RECQL5: variants seen among roughly 807,000 people sequenced by gnomAD.
RECQL5 encodes the protein RecQ like helicase 5.
A neutral mutation model predicts 103.4 loss-of-function variants in RECQL5; 88 were observed. The observed-to-expected ratio is 0.85, with a 90% CI of 0.72 to 1.02. The LOEUF is 1.02. Among genes scored for constraint, RECQL5 ranks in the 50% least tolerant of loss-of-function variants. The probability of loss-of-function intolerance (pLI) is 0.00; values close to 1 mark genes in which losing one functional copy is unlikely to be tolerated. For synonymous variants in RECQL5, 552 were observed against 507.9 expected (o/e 1.09, Z -1.17); for missense variants, 1,232 against 1,284.3 (o/e 0.96, Z 0.62).
chr17:75,661,313 T>C (rs987839123), intron 5 of RECQL5, among the ~76,000 whole-genome samples: 1 of 152,234 alleles, frequency 6.6e-6, no homozygotes, highest in Non-Finnish European at 1.5e-5. Flanking sequence ...CCCAAGTCCG[T>C]TGGCCTCCAA....
chr17:75,649,789 G>C (rs1262846826), intron 8 of RECQL5: 3 of 985,454 alleles, frequency 3.0e-6, no homozygotes, highest in South Asian at 9.4e-5. Context: ...AGACAGGCAC[G>C]AGGCTGCTCA....
At chr17:75,634,110 GAGC>G in intron 8 of RECQL5, 1 of 985,574 alleles carries the variant, frequency 1.0e-6, no homozygotes. Flanking sequence ...GCGCCCAGGG[GAGC>G]AGCGGCGCCC....
intron 8 of RECQL5, chr17:75,639,326 T>C (rs2059388268): frequency 1.3e-5 from 2 of 152,230 alleles, no homozygotes; most frequent in South Asian, 2.1e-4. Context: ...TGGGACAAGG[T>C]TGTCTCTGGC....
chr17:75,662,644 G>C lies in RECQL5; in HGVS notation c.606C>G (p.Asp202Glu). The change falls in exon 4 of 20, where the codon GAC becomes GAG. Residue 202 changes from aspartate to glutamate, a missense_variant. Transcript: ENST00000317905. The stretch of plus-strand genomic sequence containing the variant: ...TCTTCAGGTGCAGGGCAGCAAACAC[G>C]TCCTCTTGGACCTGTGGGGTGGCTG... ...TATATPQVQE[D>E]VFAALHLKKP... 1 of 1,614,170 alleles carries C rather than the reference G, an allele frequency of 6.2e-7. No individual in the cohort carries two copies. The highest frequency in any genetic ancestry group is 8.5e-7 in the Non-Finnish European group (1 of 1,180,038).
chr17:75,646,838 T>A (rs1006012548), intron 8 of RECQL5: 1 of 152,934 alleles, frequency 6.5e-6, no homozygotes, highest in Non-Finnish European at 1.5e-5. Flanking sequence ...GCTATGGGCT[T>A]GCAGTCTGCG....
At position 75,662,712 on chromosome 17, in the gene RECQL5, G is replaced by C; in HGVS notation, c.538C>G (p.Arg180Gly). The change falls in exon 4 of 20, where the codon CGC becomes GGC. Residue 180 changes from arginine (R) to glycine (G), a missense_variant. Arg to Gly is a moderately radical substitution (Grantham distance 125). Transcript: ENST00000317905. ...RPDYLRLGALRSRLGHAPCVA... is the reference protein window; with the variant it reads ...RPDYLRLGALGSRLGHAPCVA... ...CAAGGGGCATGTCCCAGGCGGGAGCGCAGGGCACCCAGACGCAAGTAGTCA... is the reference window on the plus strand; with the variant it reads ...CAAGGGGCATGTCCCAGGCGGGAGCCCAGGGCACCCAGACGCAAGTAGTCA... The C allele has an allele frequency of 6.2e-7, 1 of 1,613,964 alleles. No individual in the cohort carries two copies. Among genetic ancestry groups the C allele is most frequent in the Non-Finnish European group, 8.5e-7 (1 of 1,180,028 alleles).
At position 75,640,889 on chromosome 17, in the gene RECQL5, C is replaced by A. The variant is rs1163430910; in HGVS notation, c.1230-9221G>T. 2.6e-6 allele frequency: 4 copies of A among 1,545,144 alleles called. No individual in the cohort carries two copies. The highest frequency in any genetic ancestry group is 3.5e-6 in the Non-Finnish European group (4 of 1,146,846). ...CAGGAAGGTCCAGGTGCAGCCGACA[C>A]CACCATGACGGACGGGCGATGGCTG... On this transcript the variant is annotated intron_variant, in intron 8 of 19. Transcript: ENST00000317905. The surrounding 1 kb of genome is among the most constrained non-coding windows in gnomAD (Gnocchi z 4.6).
intron 13 of RECQL5, 69 bp from the exon 14 acceptor site, chr17:75,630,346 G>A (rs532391098): frequency 2.2e-6 from 3 of 1,383,932 alleles, no homozygotes; most frequent in African/African-American, 2.9e-5. Flanking sequence ...AGCTCTTGCG[G>A]GACTCCAGGC....
rs115810727 is a variant in RECQL5 at position 75,662,916 on chromosome 17, G to A, written c.334C>T (p.Leu112=). The part of the protein sequence containing the change: ...SKLSAQERKE[L]LADLEREKPQ... The stretch of plus-strand genomic sequence containing the variant: ...TTTTCTCGCTCCAGGTCAGCAAGCA[G>A]CTCCTTCCTTTCCTGTGCAGAGAGC... The change falls in exon 4 of 20, where the codon CTG becomes TTG. Residue 112 remains leucine (L), a synonymous_variant. Transcript: ENST00000317905. 7.7e-5 allele frequency: 124 copies of A among 1,614,152 alleles called. 1 individual carries two copies. In the East Asian group the frequency reaches 2.3e-3, roughly 30 times the overall value.
chr17:75,633,220 G>A (rs1365992178), intron 8 of RECQL5, among the ~76,000 whole-genome samples: 3 of 152,274 alleles, frequency 2.0e-5, no homozygotes, highest in Admixed American at 2.0e-4. Flanking sequence ...TCCGAGTGGT[G>A]TGACCACATG....
chr17:75,660,230 C>T lies in RECQL5; in HGVS notation c.986+725G>A, dbSNP rs144487338. ...TACAGGCACGCACCACCACACCTGGCTAATTTTTATGTATTTTTTGTAGAG... is the reference window on the plus strand; with the variant it reads ...TACAGGCACGCACCACCACACCTGGTTAATTTTTATGTATTTTTTGTAGAG... On this transcript the variant is annotated intron_variant, in intron 6 of 19. Coordinates refer to ENST00000317905, the MANE Select transcript of RECQL5 (RefSeq NM_004259.7). Among the ~76,000 whole-genome samples, 8 of 152,212 alleles carry T rather than the reference C, an allele frequency of 5.3e-5. No individual in the cohort carries two copies. The East Asian group carries it at 1.5e-3, about 29-fold the overall frequency.
rs2059315994 is a variant in RECQL5, at chr17:75,636,071, C to T, written c.1230-4403G>A. Reference sequence around the variant, plus strand: ...ACCGCTACTGCAGCCAGGGCACACCCTCTGAAGGCTCCAAGCAGGGCTGGC... The same window carrying T: ...ACCGCTACTGCAGCCAGGGCACACCTTCTGAAGGCTCCAAGCAGGGCTGGC... On this transcript the variant is annotated intron_variant, in intron 8 of 19. Coordinates refer to ENST00000317905, the MANE Select transcript of RECQL5 (RefSeq NM_004259.7). This position sits in a 1 kb window ranked among gnomAD's most constrained non-coding sequence, Gnocchi z 5.4. Among the ~76,000 whole-genome samples the T allele has an allele frequency of 6.6e-6, 1 of 152,248 alleles. No individual in the cohort carries two copies. Among genetic ancestry groups the T allele is most frequent in the South Asian group, 2.1e-4 (1 of 4,836 alleles).
chr17:75,650,557 A>T, intron 8 of RECQL5: 1 of 1,535,626 alleles, frequency 6.5e-7, no homozygotes, highest in Non-Finnish European at 8.8e-7. Flanking sequence ...ATCCGACAGG[A>T]TCATTCCATG....
chr17:75,638,096 G>A (rs2059361448), intron 8 of RECQL5: 1 of 152,126 alleles, frequency 6.6e-6, no homozygotes, highest in African/African-American at 2.4e-5. Context: ...AAGCTGGGTG[G>A]ATCTAACTCA....
In RECQL5 at chr17:75,629,910, C is replaced by T. The variant is rs189390575; in HGVS notation, c.1813-68G>A. ...CTCCTGACATGCCCCACCTAGCCCT[C>T]CTTTTCTACTAGGCACTACAAGTGG... On this transcript the variant is annotated intron_variant, in intron 14 of 19. Transcript: ENST00000317905. 1,668 of 1,530,122 alleles carry T rather than the reference C, an allele frequency of 1.1e-3. 6 individuals carry two copies. Among genetic ancestry groups the T allele is most frequent in the Admixed American group, 3.6e-3 (178 of 49,920 alleles). 94.8% of individuals were successfully genotyped at this position (1,530,122 alleles called of 1,614,324 possible).
rs1376086894 is a variant in RECQL5 at position 75,654,792 on chromosome 17, TTTA to T, written c.1149+3503_1149+3505del. ...ACATCACCATGCTCAGCTAATTTTT[TTTA>T]TTATTATTAGTTTTTGAAACAGGGT... On this transcript the variant is annotated intron_variant, in intron 7 of 19. Transcript: ENST00000317905. Among the ~76,000 whole-genome samples, 4 of 151,984 alleles carry T rather than the reference TTTA, an allele frequency of 2.6e-5. 1 individual carries two copies. Among genetic ancestry groups the T allele is most frequent in the African/African-American group, 9.7e-5 (4 of 41,448 alleles).
Position 75,660,999 on chromosome 17 carries a change from A to G in RECQL5, c.942T>C (p.Val314=), listed in dbSNP as rs748968286. The stretch of plus-strand genomic sequence containing the variant: ...CTCCCATCCCAAAACTAATGGTTGC[A>G]ACAATTACAGGGACCTTCTCCTCCA... ...DWMEEKVPVI[V]ATISFGMGVD... is the part of the protein sequence containing the mutation. Residue 314 remains valine, a synonymous_variant, in exon 6 of 20, where the codon GTT becomes GTC. Transcript: ENST00000317905. 6.2e-7 allele frequency: 1 copy of G among 1,614,234 alleles called. No individual in the cohort carries two copies. The highest frequency in any genetic ancestry group is 8.5e-7 in the Non-Finnish European group (1 of 1,180,030).
rs539818222 is a variant in RECQL5, at chr17:75,653,928, C to A, written c.1150-2663G>T. Among the ~76,000 whole-genome samples the A allele has an allele frequency of 5.0e-3, 752 of 151,074 alleles. 5 individuals carry two copies. Among genetic ancestry groups the A allele is most frequent in the South Asian group, 0.026 (125 of 4,764 alleles). ...AAAACAAAACAAAACAAAAAAAAAA[C>A]CCCAAAAAAACAAAAACCAGACACT... is the stretch of plus-strand genomic sequence containing the variant. On this transcript the variant is annotated intron_variant, in intron 7 of 19. Transcript: ENST00000317905.
At position 75,631,259 on chromosome 17, in the gene RECQL5, G is replaced by A. The variant is rs1212952018; in HGVS notation, c.1449-10C>T. The A allele has an allele frequency of 1.9e-5, 31 of 1,613,060 alleles. No individual in the cohort carries two copies. The highest frequency in any genetic ancestry group is 2.6e-5 in the Non-Finnish European group (31 of 1,179,514). On this transcript the variant is annotated splice_polypyrimidine_tract_variant and intron_variant, in intron 9 of 19. Coordinates refer to ENST00000317905, the MANE Select transcript of RECQL5 (RefSeq NM_004259.7). ...AGAACCTTCGTCATACCTAGGGACA[G>A]GCCAGGCGTGAGTGGCCCTGGCCTG...
Sources: allele counts gnomAD v4.1 joint callset (sites outside exome capture counted in the v4.1 genomes callset), GRCh38; gene constraint gnomAD v4.1.1; non-coding constraint Gnocchi (gnomAD v3.1); transcripts MANE v1.5; gene names NCBI Gene and HGNC (gene_info 2026-07-23, HGNC 2026-07-21).